GPC5: variants seen among roughly 807,000 people sequenced by gnomAD.
GPC5 encodes glypican 5.
In GPC5, 47 loss-of-function variants were observed where a neutral mutation model predicts 53.9. The observed-to-expected ratio is 0.87, with a 90% CI of 0.69 to 1.11. The LOEUF is 1.11. Among genes scored for constraint, GPC5 ranks in the 50% most tolerant of loss-of-function variants. The probability of loss-of-function intolerance (pLI) is 0.00; values close to 1 mark genes in which losing one functional copy is unlikely to be tolerated. For missense variants in GPC5, 748 were observed against 713.1 expected (o/e 1.05, Z -0.56); for synonymous variants, 286 against 263.3 (o/e 1.09, Z -0.84).
chr13:91,658,272 T>G (rs1011750440), intron 2 of GPC5, among the ~76,000 whole-genome samples: 1 of 152,160 alleles, frequency 6.6e-6, no homozygotes, highest in Non-Finnish European at 1.5e-5. Context: ...TATGTAATAC[T>G]GATAAAATTC....
intron 1 of GPC5, among the ~76,000 whole-genome samples, chr13:91,417,365 A>T (rs1878310845): frequency 6.6e-6 from 1 of 152,186 alleles, no homozygotes; most frequent in Non-Finnish European, 1.5e-5. Flanking sequence ...ATTCAGGGAC[A>T]GAACTGAGAG....
chr13:92,354,307 C>T (rs1010780476), intron 7 of GPC5, among the ~76,000 whole-genome samples: 8 of 152,162 alleles, frequency 5.3e-5, no homozygotes, highest in African/African-American at 1.9e-4. Context: ...GATACAACAA[C>T]AGTAATATAA....
At chr13:92,172,843 TA>T (rs2042080215) in intron 7 of GPC5, among the ~76,000 whole-genome samples, 1 of 152,000 alleles carries the variant, frequency 6.6e-6, no homozygotes, top group Non-Finnish European at 1.5e-5. Flanking sequence ...ATGCTGTTAT[TA>T]AACAATCTAA....
At chr13:92,469,819 T>C (rs1276538193) in intron 7 of GPC5, among the ~76,000 whole-genome samples, 2 of 152,096 alleles carry the variant, frequency 1.3e-5, no homozygotes. Context: ...GGTTCCCAAA[T>C]ACAAATTTTA....
At chr13:92,415,111 T>G (rs1249014219) in intron 7 of GPC5, among the ~76,000 whole-genome samples, 1 of 152,174 alleles carries the variant, frequency 6.6e-6, no homozygotes, top group Non-Finnish European at 1.5e-5. Flanking sequence ...GAGCAGCAAG[T>G]GGGAGATGCG....
At chr13:91,522,279 G>A (rs1290128568) in intron 2 of GPC5, among the ~76,000 whole-genome samples, 1 of 152,146 alleles carries the variant, frequency 6.6e-6, no homozygotes, top group Non-Finnish European at 1.5e-5. Context: ...GGTCTTTCCT[G>A]TGACCAGTCC....
At chr13:92,670,777 C>CTT (rs1469942079) in intron 7 of GPC5, among the ~76,000 whole-genome samples, 1 of 152,086 alleles carries the variant, frequency 6.6e-6, no homozygotes, top group Non-Finnish European at 1.5e-5. Flanking sequence ...TAGCCTTTTT[C>CTT]TTTTTCTAAG....
intron 7 of GPC5, among the ~76,000 whole-genome samples, chr13:92,646,276 A>C (rs1486134815): frequency 2.0e-5 from 3 of 152,148 alleles, no homozygotes; most frequent in Non-Finnish European, 4.4e-5. Context: ...GTTTGTAAAA[A>C]AGTCTCTTCT....
At chr13:92,845,845 G>C (rs1878595030) in intron 7 of GPC5, among the ~76,000 whole-genome samples, 1 of 151,438 alleles carries the variant, frequency 6.6e-6, no homozygotes, top group Non-Finnish European at 1.5e-5. Flanking sequence ...GTTTATTGTA[G>C]CCTACATCAT....
intron 6 of GPC5, among the ~76,000 whole-genome samples, chr13:92,112,751 T>C (rs536304301): frequency 5.3e-5 from 8 of 152,134 alleles, no homozygotes; most frequent in Non-Finnish European, 1.0e-4. Context: ...TGTGTGTGTA[T>C]ATATATGTAT....
At chr13:91,782,079 T>C (rs2037806976) in intron 5 of GPC5, among the ~76,000 whole-genome samples, 1 of 152,236 alleles carries the variant, frequency 6.6e-6, no homozygotes, top group Admixed American at 6.5e-5. Flanking sequence ...TATTTTTACC[T>C]GCTGAATGCA....
chr13:92,421,821 G>C (rs562010631), intron 7 of GPC5, among the ~76,000 whole-genome samples: 1 of 151,968 alleles, frequency 6.6e-6, no homozygotes, highest in African/African-American at 2.4e-5. Flanking sequence ...TCTTCATATA[G>C]CCAGAGCAGG....
At position 91,742,631 on chromosome 13, in the gene GPC5, T is replaced by C. The variant is rs187588967; in HGVS notation, c.1155-13664T>C. 1.5e-3 allele frequency among the ~76,000 whole-genome samples: 234 copies of C among 152,274 alleles called. 3 individuals are homozygous for C. The highest frequency in any genetic ancestry group is 2.5e-4 in the Non-Finnish European group (17 of 68,032). ...TGTTTGGTATTCAACAGATGCCCAC[T>C]TTTTGTTTTGAGGGTAACAATTACT... On this transcript the variant is annotated intron_variant, in intron 4 of 7. Transcript: ENST00000377067.
At chr13:91,708,296 G>A (rs1163385338) in intron 3 of GPC5, among the ~76,000 whole-genome samples, 1 of 151,600 alleles carries the variant, frequency 6.6e-6, no homozygotes, top group Non-Finnish European at 1.5e-5. Context: ...TTTTCCCCTG[G>A]GATATGACTG....
chr13:91,519,228 G>A (rs542718730), intron 2 of GPC5, among the ~76,000 whole-genome samples: 14 of 152,162 alleles, frequency 9.2e-5, no homozygotes, highest in South Asian at 4.2e-4. Flanking sequence ...CTATTTATTC[G>A]TTATCCCTGC....
chr13:91,911,798 A>G (rs992989023), intron 6 of GPC5, among the ~76,000 whole-genome samples: 4 of 152,136 alleles, frequency 2.6e-5, no homozygotes, highest in African/African-American at 9.7e-5. Context: ...ATGGATTGGA[A>G]CTCTGGGAGA....
intron 7 of GPC5, among the ~76,000 whole-genome samples, chr13:92,732,543 CT>C (rs5805759): frequency 0.25 from 37,501 of 151,190 alleles, 4,889 homozygotes; most frequent in East Asian, 0.5. Flanking sequence ...TCCGTTTATC[CT>C]TTTTGTAAAT....
At chr13:91,579,624 C>CTTTTTTTTTT (rs3055895) in intron 2 of GPC5, among the ~76,000 whole-genome samples, 23 of 102,586 alleles carry the variant, frequency 2.2e-4, no homozygotes, top group South Asian at 3.5e-4. Flanking sequence ...TTTTCTTTTT[C>CTTTTTTTTTT]TTTTTTTTTT....
chr13:92,189,098 A>G (rs1241454952), intron 7 of GPC5, among the ~76,000 whole-genome samples: 1 of 152,200 alleles, frequency 6.6e-6, no homozygotes, highest in Non-Finnish European at 1.5e-5. Context: ...AAGGGGCATC[A>G]CACTTGTGAA....
Sources: gnomAD v4.1 joint callset for allele counts (sites outside exome capture counted in the v4.1 genomes callset) on GRCh38, gnomAD v4.1.1 for gene constraint, MANE v1.5 for transcripts, NCBI Gene and HGNC (gene_info 2026-07-23, HGNC 2026-07-21) for gene names.